Variants in SPATA22 observed in about 807,000 individuals in gnomAD.
The protein encoded by SPATA22 is spermatogenesis associated 22.
In SPATA22, 29 loss-of-function variants were observed where a neutral mutation model predicts 47.8. That is an observed-to-expected ratio of 0.61 (90% CI 0.45 to 0.83). The LOEUF is 0.83. Ranked by LOEUF, SPATA22 falls within the 40% of genes least tolerant of loss-of-function variation. SPATA22 has a pLI of 0.00. For missense variants in SPATA22, 410 were observed against 421.7 expected, an observed-to-expected ratio of 0.97 and a Z score of 0.24; for synonymous variants, 133 against 140.9, an observed-to-expected ratio of 0.94 and a Z score of 0.40.
In SPATA22 at chr17:3,462,497, G is replaced by C; in HGVS notation, c.315C>G (p.Ser105Arg). ...FNSIQSNTGR[S>R]QGGWSYRDGN... Reference sequence around the variant, plus strand: ...AGTAGACTCACCTCCAACCACCCTGGCTTCTTCCAGTATTTGATTGAATAG... The same window carrying C: ...AGTAGACTCACCTCCAACCACCCTGCCTTCTTCCAGTATTTGATTGAATAG... The change falls in exon 5 of 9, where the codon AGC (serine) becomes AGG (arginine). Residue 105 changes from serine to arginine, a missense_variant. Physicochemically the swap from Ser to Arg is moderately radical, Grantham distance 110. Coordinates refer to ENST00000572969, the MANE Select transcript of SPATA22 (RefSeq NM_001170698.2). The C allele has an allele frequency of 1.2e-6, 2 of 1,605,124 alleles. No individual in the cohort carries two copies. The highest frequency in any genetic ancestry group is 8.5e-7 in the Non-Finnish European group (1 of 1,177,310).
At chr17:3,484,290 T>C (rs2073682802) in intron 1 of SPATA22, among the ~76,000 whole-genome samples, 1 of 152,194 alleles carries the variant, frequency 6.6e-6, no homozygotes, top group Non-Finnish European at 1.5e-5. Flanking sequence ...AACCCTGTGC[T>C]AGGTGCGGGG....
intron 2 of SPATA22, chr17:3,468,773 A>T (rs2073365556): frequency 3.8e-6 from 1 of 260,928 alleles, no homozygotes; most frequent in African/African-American, 2.3e-5. Context: ...GTAAAGATTA[A>T]ATAAATTAAT....
intron 7 of SPATA22, among the ~76,000 whole-genome samples, chr17:3,444,333 A>T (rs1200149531): frequency 6.6e-6 from 1 of 152,054 alleles, no homozygotes; most frequent in African/African-American, 2.4e-5. Context: ...TCCAATCAGC[A>T]TATTTTATTA....
intron 3 of SPATA22, among the ~76,000 whole-genome samples, chr17:3,464,583 C>G (rs2073230371): frequency 7.0e-6 from 1 of 143,216 alleles, no homozygotes; most frequent in Admixed American, 6.9e-5. Flanking sequence ...AGGAGCGTCT[C>G]TGCCGGGCCG....
At chr17:3,493,826 C>G (rs980199028) in intron 1 of SPATA22, among the ~76,000 whole-genome samples, 1 of 152,078 alleles carries the variant, frequency 6.6e-6, no homozygotes, top group African/African-American at 2.4e-5. Context: ...CTCAAACTGG[C>G]TTTTTCAGTT....
At chr17:3,471,465 G>A (rs1296705619) in intron 1 of SPATA22, 28 of 985,312 alleles carry the variant, frequency 2.8e-5, no homozygotes, top group Non-Finnish European at 3.3e-5. Context: ...CCTAAGTGGC[G>A]TTAGTAATGG....
chr17:3,500,012 C>G (rs2150765276), intron 1 of SPATA22: 1 of 152,258 alleles, frequency 6.6e-6, no homozygotes, highest in Non-Finnish European at 1.5e-5. Flanking sequence ...GCAAAACAAC[C>G]TTATTGCTGA....
At chr17:3,508,168 A>T (rs1387482865) in intron 1 of SPATA22, among the ~76,000 whole-genome samples, 2 of 152,210 alleles carry the variant, frequency 1.3e-5, no homozygotes, top group African/African-American at 4.8e-5. Flanking sequence ...TTGGCATTCC[A>T]TCAGAGAAAT....
At position 3,469,357 on chromosome 17, in the gene SPATA22, T is replaced by C. The variant is rs1353985890; in HGVS notation, c.-32A>G. ...CAATATCAAAATCTATAATTTTCTA[T>C]TCAGCATTCCAAATTTATAATATGA... On this transcript the variant is annotated 5_prime_UTR_variant, in exon 2 of 9. Coordinates refer to ENST00000572969, the MANE Select transcript of SPATA22 (RefSeq NM_001170698.2). 1 of 1,519,504 alleles carries C rather than the reference T, an allele frequency of 6.6e-7. No homozygotes were observed. The highest frequency in any genetic ancestry group is 8.9e-7 in the Non-Finnish European group (1 of 1,123,914). 94.1% of individuals were successfully genotyped at this position (1,519,504 alleles called of 1,614,324 possible).
intron 8 of SPATA22, chr17:3,441,197 TTC>T (rs2072589660): frequency 6.6e-6 from 1 of 152,032 alleles, no homozygotes; most frequent in Admixed American, 6.6e-5. Flanking sequence ...AATGAAAAAC[TTC>T]TGTTTATCAA....
intron 7 of SPATA22, among the ~76,000 whole-genome samples, chr17:3,445,287 C>G (rs1176757758): frequency 6.6e-6 from 1 of 152,040 alleles, no homozygotes; most frequent in Non-Finnish European, 1.5e-5. Flanking sequence ...CTGGTAAGAA[C>G]TGAACAAAAT....
At chr17:3,499,351 TAATA>T (rs774227220) in intron 1 of SPATA22, 26 of 293,768 alleles carry the variant, frequency 8.9e-5, no homozygotes, top group Middle Eastern at 1.1e-3. Flanking sequence ...TCAACATTCT[TAATA>T]AACAGCCTTT....
chr17:3,500,366 T>C (rs1265861869), intron 1 of SPATA22: 2 of 152,328 alleles, frequency 1.3e-5, no homozygotes, highest in Non-Finnish European at 2.9e-5. Context: ...TCTAGGACTT[T>C]CCTAGCTAGA....
intron 1 of SPATA22, chr17:3,500,541 C>A (rs1394471806): frequency 1.4e-5 from 2 of 142,586 alleles, no homozygotes; most frequent in African/African-American, 2.6e-5. Context: ...CTTGCTCTGT[C>A]GTCCAGGCTG....
intron 1 of SPATA22, among the ~76,000 whole-genome samples, chr17:3,495,238 A>G (rs1029699325): frequency 2.0e-5 from 3 of 152,222 alleles, no homozygotes; most frequent in Admixed American, 6.5e-5. Context: ...GAGATGGAAG[A>G]GAACTGGTGG....
intron 5 of SPATA22, among the ~76,000 whole-genome samples, chr17:3,460,866 T>A (rs965447273): frequency 2.0e-5 from 3 of 151,498 alleles, no homozygotes; most frequent in African/African-American, 7.3e-5. Flanking sequence ...AACTGAGATG[T>A]CTTAACTACT....
Position 3,490,468 on chromosome 17 carries a change from G to A in SPATA22, c.-73-21070C>T, listed in dbSNP as rs1199877889. On this transcript the variant is annotated intron_variant, in intron 1 of 8. Transcript: ENST00000541913. This position sits in a 1 kb window ranked among gnomAD's most constrained non-coding sequence, Gnocchi z 4.6. ...GAGTTGAAATTGTTGTTGAGGAATG[G>A]GCAATTATAATAACAGAGGGGGTGT... Among the ~76,000 whole-genome samples the A allele has an allele frequency of 6.6e-6, 1 of 152,132 alleles. No homozygotes were observed. The highest frequency in any genetic ancestry group is 6.5e-5 in the Admixed American group (1 of 15,274).
chr17:3,446,346 C>G, intron 7 of SPATA22, 126 bp downstream of exon 7: 1 of 866,148 alleles, frequency 1.2e-6, no homozygotes, highest in Non-Finnish European at 1.7e-6. Flanking sequence ...AAAACCAGTT[C>G]TTTGAATACA....
rs567402941 is a variant in SPATA22, at chr17:3,508,210, A to C, written c.-74+5202T>G. 5.1e-4 allele frequency among the ~76,000 whole-genome samples: 78 copies of C among 152,212 alleles called. 1 individual carries two copies. The highest frequency in any genetic ancestry group is 7.8e-4 in the Non-Finnish European group (53 of 68,014). ...CAAAACCACAATGAGATACCATCTC[A>C]CACCAGTTAGAATGGCAATCATTAA... On this transcript the variant is annotated intron_variant, in intron 1 of 8. Coordinates refer to the SPATA22 transcript ENST00000541913.
Sources: allele counts gnomAD v4.1 joint callset (sites outside exome capture counted in the v4.1 genomes callset), GRCh38; gene constraint gnomAD v4.1.1; non-coding constraint Gnocchi (gnomAD v3.1); transcripts MANE v1.5; gene names NCBI Gene and HGNC (gene_info 2026-07-23, HGNC 2026-07-21).